PARP16: variants seen among roughly 807,000 people sequenced by gnomAD.
PARP16 encodes poly(ADP-ribose) polymerase family member 16, also known as protein mono-ADP-ribosyltransferase PARP16.
Under a neutral mutation model 35.0 loss-of-function variants are expected in PARP16, and 31 were observed. The ratio of observed to expected loss-of-function variants is 0.88; its 90% CI spans 0.66 to 1.19. PARP16 has a LOEUF of 1.19. PARP16 is among the 50% of genes most tolerant of loss of function. The probability of loss-of-function intolerance (pLI) is 0.00; values close to 1 mark genes in which losing one functional copy is unlikely to be tolerated. For synonymous variants in PARP16, 162 were observed against 169.5 expected, an observed-to-expected ratio of 0.96 and a Z score of 0.34; for missense variants, 424 against 411.2, an observed-to-expected ratio of 1.03 and a Z score of -0.27.
intron 2 of PARP16, among the ~76,000 whole-genome samples, chr15:65,251,392 A>G (rs1567013926): frequency 6.6e-6 from 1 of 152,176 alleles, no homozygotes; most frequent in Admixed American, 6.5e-5. Context: ...TTAAGACCCA[A>G]CTTACTCTGT....
chr15:65,253,919 C>G (rs1232632810), downstream of PARP16, among the ~76,000 whole-genome samples: 1 of 151,858 alleles, frequency 6.6e-6, no homozygotes, highest in Non-Finnish European at 1.5e-5. Flanking sequence ...CCAGGTTCAA[C>G]CGATTCTCCT....
intron 1 of PARP16, among the ~76,000 whole-genome samples, chr15:65,285,298 C>T (rs963236983): frequency 3.3e-5 from 5 of 152,048 alleles, no homozygotes; most frequent in Non-Finnish European, 7.4e-5. Flanking sequence ...CCACCACGCC[C>T]GGCTAACTTT....
intron 2 of PARP16, among the ~76,000 whole-genome samples, chr15:65,267,784 T>A (rs910184484): frequency 4.5e-5 from 6 of 134,344 alleles, no homozygotes; most frequent in Admixed American, 8.4e-5. Context: ...CCCCTCCAGG[T>A]TTTTTAAGCA....
In PARP16 at chr15:65,286,499, G is replaced by T; in HGVS notation, c.-73C>A. On this transcript the variant is annotated 5_prime_UTR_variant, in exon 1 of 6. Transcript: ENST00000649807. Reference sequence around the variant, plus strand: ...GGGCGAGCGTGCGTTCAGCGCGGGGGCTGGGCCCGCGGACAATGGGCCGTC... The same window carrying T: ...GGGCGAGCGTGCGTTCAGCGCGGGGTCTGGGCCCGCGGACAATGGGCCGTC... The T allele has an allele frequency of 8.2e-7, 1 of 1,217,198 alleles. No homozygotes were observed. The highest frequency in any genetic ancestry group is 1.7e-5 in the South Asian group (1 of 57,332). The allele number at this position is 1,217,198 out of a possible 1,614,324, so 75.4% of individuals were successfully genotyped here. A position where few individuals can be genotyped will look rare whatever the true frequency, so the allele number is the denominator to read the frequency against.
At chr15:65,272,070 G>C (rs1000175079) in intron 1 of PARP16, among the ~76,000 whole-genome samples, 2 of 152,216 alleles carry the variant, frequency 1.3e-5, no homozygotes, top group Admixed American at 1.3e-4. Context: ...ACTTAGGCCA[G>C]AGCAGTTCCT....
At chr15:65,279,842 C>T (rs973143242) in intron 1 of PARP16, among the ~76,000 whole-genome samples, 2 of 151,110 alleles carry the variant, frequency 1.3e-5, no homozygotes, top group East Asian at 1.9e-4. Context: ...CACTTTAAAC[C>T]AATCAAATGA....
At chr15:65,271,227 T>C (rs2090082762) in intron 1 of PARP16, among the ~76,000 whole-genome samples, 155 bp from the exon 2 acceptor site, 1 of 152,040 alleles carries the variant, frequency 6.6e-6, no homozygotes, top group Non-Finnish European at 1.5e-5. Flanking sequence ...TTCCAAATAA[T>C]ACTAAACTTT....
At chr15:65,244,958 CT>C (rs1419749748) in intron 3 of PARP16, among the ~76,000 whole-genome samples, 3 of 152,164 alleles carry the variant, frequency 2.0e-5, no homozygotes, top group Admixed American at 2.0e-4. Context: ...GGCCAGGATG[CT>C]GGGGGGATAC....
Position 65,266,607 on chromosome 15 carries a change from G to A in PARP16, c.474C>T (p.Asn158=), listed in dbSNP as rs761302339. 5.6e-6 allele frequency: 9 copies of A among 1,614,128 alleles called. No individual in the cohort carries two copies. The East Asian group carries it at 1.6e-4, about 28-fold the overall frequency. ...IYAFHGSRLE[N]FHSIIHNGLH... is the part of the protein sequence containing the mutation. ...GGCCATTGTGGATAATGGAATGGAAGTTTTCTAGGCGGCTACCATGAAATG... is the reference window on the plus strand; with the variant it reads ...GGCCATTGTGGATAATGGAATGGAAATTTTCTAGGCGGCTACCATGAAATG... Residue 158 remains asparagine (N), a synonymous_variant, in exon 3 of 6, where the codon AAC becomes AAT. Coordinates refer to ENST00000649807, the MANE Select transcript of PARP16 (RefSeq NM_001316943.2).
chr15:65,280,006 T>C (rs2090370755), intron 1 of PARP16, among the ~76,000 whole-genome samples: 1 of 151,960 alleles, frequency 6.6e-6, no homozygotes, highest in Non-Finnish European at 1.5e-5. Flanking sequence ...CAGGAGTTTG[T>C]AGACCAGCTA....
intron 3 of PARP16, among the ~76,000 whole-genome samples, chr15:65,240,129 CTAA>C (rs1277530015): frequency 6.8e-6 from 1 of 147,034 alleles, no homozygotes; most frequent in Non-Finnish European, 1.5e-5. Flanking sequence ...ACATGCTCGG[CTAA>C]TGTTTTTTTT....
chr15:65,253,512 AGTAGAGACGGG>A (rs1481958822), downstream of PARP16, among the ~76,000 whole-genome samples: 1 of 151,022 alleles, frequency 6.6e-6, no homozygotes, highest in African/African-American at 2.4e-5. Flanking sequence ...TTGTATTTTT[AGTAGAGACGGG>A]GTTTCACTGT....
chr15:65,282,672 C>G (rs1041008352), intron 1 of PARP16: 1 of 152,166 alleles, frequency 6.6e-6, no homozygotes, highest in Non-Finnish European at 1.5e-5. Context: ...GGTAAGAATG[C>G]GTGTTTCTCC....
At chr15:65,253,157 CAAAA>C (rs1057228787), downstream of PARP16, among the ~76,000 whole-genome samples, 1 of 127,802 alleles carries the variant, frequency 7.8e-6, no homozygotes, top group Non-Finnish European at 1.8e-5. Context: ...ACAAAACAAA[CAAAA>C]AAAACAATGC....
intron 2 of PARP16, among the ~76,000 whole-genome samples, chr15:65,268,709 A>C (rs1473145126): frequency 6.6e-6 from 1 of 151,626 alleles, no homozygotes; most frequent in East Asian, 1.9e-4. Context: ...CTCCCAAAGT[A>C]CTAGGATTAC....
Position 65,283,272 on chromosome 15 carries a change from AT to A in PARP16, c.174+2980del, listed in dbSNP as rs1033830770. Among the ~76,000 whole-genome samples the A allele has an allele frequency of 1.1e-3, 170 of 149,814 alleles. 1 individual carries two copies. The highest frequency in any genetic ancestry group is 3.4e-3 in the African/African-American group (140 of 40,906). ...GACAACGTTGTGAGACCCCATCTCA[AT>A]TTTTTTTTTTAAAAAAAGCTGCATT... On this transcript the variant is annotated intron_variant, in intron 1 of 5. Transcript: ENST00000649807.
At chr15:65,262,010 C>T (rs563755166) in intron 4 of PARP16, among the ~76,000 whole-genome samples, 1 of 152,166 alleles carries the variant, frequency 6.6e-6, no homozygotes, top group Non-Finnish European at 1.5e-5. Context: ...CCATGCTGTC[C>T]GGTTTGGGAG....
chr15:65,286,516 T>G lies in PARP16; in HGVS notation c.-90A>C. On this transcript the variant is annotated 5_prime_UTR_variant, in exon 1 of 6. Coordinates refer to ENST00000649807, the MANE Select transcript of PARP16 (RefSeq NM_001316943.2). ...GCGCGGGGGCTGGGCCCGCGGACAA[T>G]GGGCCGTCAGGGGCCGGGTTCCCAA... 1.9e-6 allele frequency: 2 copies of G among 1,054,704 alleles called. No individual in the cohort carries two copies. Among genetic ancestry groups the G allele is most frequent in the Non-Finnish European group, 2.6e-6 (2 of 777,952 alleles). 65.3% of individuals were successfully genotyped at this position (1,054,704 alleles called of 1,614,324 possible).
intron 2 of PARP16, among the ~76,000 whole-genome samples, chr15:65,269,948 G>A (rs2090041183): frequency 6.6e-6 from 1 of 152,170 alleles, no homozygotes; most frequent in South Asian, 2.1e-4. Context: ...GATTCACTAG[G>A]AATTAGCCAC....
Sources: gnomAD v4.1 joint callset for allele counts (sites outside exome capture counted in the v4.1 genomes callset) on GRCh38, gnomAD v4.1.1 for gene constraint, MANE v1.5 for transcripts, NCBI Gene and HGNC (gene_info 2026-07-23, HGNC 2026-07-21) for gene names.